CA12: variants seen among roughly 807,000 people sequenced by gnomAD.
The protein encoded by CA12 is carbonate dehydratase XII.
A neutral mutation model predicts 46.8 loss-of-function variants in CA12; 36 were observed. That is an observed-to-expected ratio of 0.77 (90% CI 0.59 to 1.02). The LOEUF (loss-of-function observed/expected upper bound fraction) is 1.02. Among genes scored for constraint, CA12 ranks in the 50% least tolerant of loss-of-function variants. CA12 has a pLI of 0.00. For synonymous variants in CA12, 202 were observed against 187.0 expected, an observed-to-expected ratio of 1.08 and a Z score of -0.65; for missense variants, 436 against 451.4, an observed-to-expected ratio of 0.97 and a Z score of 0.31.
rs1020150646 is a variant in CA12, at chr15:63,329,235, C to T, written c.875-1105G>A. ...TCACCACATCAGCCCCACTTCTCTG[C>T]TCCATGGAACCAGGGTATTACGGCT... On this transcript the variant is annotated intron_variant, in intron 8 of 10. Coordinates refer to ENST00000178638, the MANE Select transcript of CA12 (RefSeq NM_001218.5). The surrounding 1 kb of genome is among the most constrained non-coding windows in gnomAD (Gnocchi z 4.8). Among the ~76,000 whole-genome samples, 1 of 152,246 alleles carries T rather than the reference C, an allele frequency of 6.6e-6. No individual in the cohort carries two copies. The highest frequency in any genetic ancestry group is 2.4e-5 in the African/African-American group (1 of 41,456).
Position 63,346,602 on chromosome 15 carries a change from T to G in CA12, c.214A>C (p.Thr72Pro). Reference protein sequence around the residue: ...SDILQYDASLTPLEFQGYNLS... With the variant: ...SDILQYDASLPPLEFQGYNLS... ...TTGTAGCCTTGGAACTCGAGGGGCG[T>G]GAGGCTGGCGTCATACTGGAGGATG... Residue 72 changes from threonine (T) to proline (P), a missense_variant, in exon 3 of 11, where the codon ACG (threonine) becomes CCG (proline). Transcript: ENST00000178638. 1 of 1,613,906 alleles carries G rather than the reference T, an allele frequency of 6.2e-7. No individual in the cohort carries two copies. Among genetic ancestry groups the G allele is most frequent in the Non-Finnish European group, 8.5e-7 (1 of 1,179,976 alleles).
intron 4 of CA12, among the ~76,000 whole-genome samples, chr15:63,342,684 T>C (rs942079924): frequency 6.6e-6 from 1 of 152,154 alleles, no homozygotes. Context: ...AGTTTTCATG[T>C]TAACTTTGGA....
Position 63,381,716 on chromosome 15 carries a change from G to A in CA12, c.5C>T (p.Pro2Leu), listed in dbSNP as rs2039650135. 1 of 1,599,716 alleles carries A rather than the reference G, an allele frequency of 6.3e-7. No individual in the cohort carries two copies. Among genetic ancestry groups the A allele is most frequent in the African/African-American group, 1.3e-5 (1 of 74,542 alleles). Residue 2 changes from proline (P) to leucine (L), a missense_variant, in exon 1 of 11, where the codon CCC becomes CTC. Coordinates refer to ENST00000178638, the MANE Select transcript of CA12 (RefSeq NM_001218.5). M[P>L]RRSLHAAAVL... is the part of the protein sequence containing the mutation. ...GGCCGCCGCGTGCAGGCTGCGCCGGGGCATCTTCGCGGGCTCCTGCGGGGC... is the reference window on the plus strand; with the variant it reads ...GGCCGCCGCGTGCAGGCTGCGCCGGAGCATCTTCGCGGGCTCCTGCGGGGC...
chr15:63,333,587 T>A (rs1375136144), intron 8 of CA12, among the ~76,000 whole-genome samples: 1 of 152,196 alleles, frequency 6.6e-6, no homozygotes, highest in Non-Finnish European at 1.5e-5. Context: ...AGCTAATAGC[T>A]TTTACTTATA....
intron 1 of CA12, among the ~76,000 whole-genome samples, chr15:63,377,402 A>G (rs570455199): frequency 6.6e-6 from 1 of 152,248 alleles, no homozygotes; most frequent in East Asian, 1.9e-4. Context: ...GTGACAAGCA[A>G]TCTGGTCACT....
chr15:63,328,338 C>CTT lies in CA12; in HGVS notation c.875-210_875-209dup, dbSNP rs57210378. 5.5e-3 allele frequency among the ~76,000 whole-genome samples: 772 copies of CTT among 140,396 alleles called. 8 individuals are homozygous for CTT. The highest frequency in any genetic ancestry group is 0.016 in the African/African-American group (600 of 38,198). 92.1% of individuals were successfully genotyped at this position (140,396 alleles called of 152,430 possible). A position where few individuals can be genotyped will look rare whatever the true frequency, so the allele number is the denominator to read the frequency against. The stretch of plus-strand genomic sequence containing the variant: ...ACTGCAATCCCTCCTTCCGATGCTC[C>CTT]TTTTTTTTTTTTTTTTGAGATGGAA... On this transcript the variant is annotated intron_variant, in intron 8 of 10. Coordinates refer to ENST00000178638, the MANE Select transcript of CA12 (RefSeq NM_001218.5). The surrounding 1 kb of genome is among the most constrained non-coding windows in gnomAD (Gnocchi z 5.9).
chr15:63,346,486 G>T, intron 3 of CA12, 44 bp downstream of exon 3: 2 of 1,593,376 alleles, frequency 1.3e-6, no homozygotes, highest in Non-Finnish European at 1.7e-6. Context: ...GCAGCTGAGG[G>T]AGACTCAGAC....
chr15:63,370,853 T>TG (rs1555432116), intron 2 of CA12, among the ~76,000 whole-genome samples: 2 of 152,156 alleles, frequency 1.3e-5, no homozygotes, highest in Non-Finnish European at 1.5e-5. Context: ...GTGCCCCTTA[T>TG]TCATCCTCAG....
At chr15:63,351,323 C>A (rs1274721634) in intron 2 of CA12, among the ~76,000 whole-genome samples, 1 of 152,250 alleles carries the variant, frequency 6.6e-6, no homozygotes, top group African/African-American at 2.4e-5. Flanking sequence ...CAACCAGCCC[C>A]AGCCTTCCTT....
rs1032773611 is a variant in CA12 at position 63,375,762 on chromosome 15, C to T, written c.86-84G>A. The stretch of plus-strand genomic sequence containing the variant: ...ACTACAGATTTTGTTTTGATATGAG[C>T]GAAATTGAAAAGGAGGTCGATGCCC... On this transcript the variant is annotated intron_variant, in intron 1 of 10. Coordinates refer to ENST00000178638, the MANE Select transcript of CA12 (RefSeq NM_001218.5). 4.2e-5 allele frequency: 41 copies of T among 979,272 alleles called. No homozygotes were observed. The African/African-American group carries it at 4.8e-4, about 12-fold the overall frequency. 60.7% of individuals were successfully genotyped at this position (979,272 alleles called of 1,614,324 possible). A position where few individuals can be genotyped will look rare whatever the true frequency, so the allele number is the denominator to read the frequency against.
At position 63,342,014 on chromosome 15, in the gene CA12, A is replaced by T; in HGVS notation, c.513T>A (p.Ala171=). The T allele has an allele frequency of 1.2e-6, 2 of 1,612,694 alleles. No homozygotes were observed. The highest frequency in any genetic ancestry group is 1.7e-6 in the Non-Finnish European group (2 of 1,178,670). Residue 171 remains alanine, a synonymous_variant, in exon 5 of 11, where the codon GCT becomes GCA. Coordinates refer to ENST00000178638, the MANE Select transcript of CA12 (RefSeq NM_001218.5). The stretch of plus-strand genomic sequence containing the variant: ...AAATATCTCTTACCTCAATGAGAAC[A>T]GCCAGGACAGCGAGGCCTTCTGACT... The part of the protein sequence containing the change: ...SNKSEGLAVL[A]VLIEMGSFNP...
intron 2 of CA12, among the ~76,000 whole-genome samples, chr15:63,354,716 T>A (rs948206503): frequency 3.3e-5 from 5 of 152,122 alleles, no homozygotes; most frequent in Non-Finnish European, 7.4e-5. Context: ...GACTGATGGA[T>A]GTATTAACAC....
At chr15:63,344,451 C>T (rs2039119933) in intron 4 of CA12, among the ~76,000 whole-genome samples, 1 of 152,182 alleles carries the variant, frequency 6.6e-6, no homozygotes. Flanking sequence ...TTCTTTATTC[C>T]CCATGGGGGA....
In CA12 at chr15:63,345,752, G is replaced by T; in HGVS notation, c.287-133C>A. ...CCAGAGAGAGGCAGGTGGATGGAGT[G>T]AGGTGCGGAGCAGAGATGCAGCCTA... On this transcript the variant is annotated intron_variant, in intron 3 of 10. Coordinates refer to ENST00000178638, the MANE Select transcript of CA12 (RefSeq NM_001218.5). This position sits in a 1 kb window ranked among gnomAD's most constrained non-coding sequence, Gnocchi z 4.3. 1 of 1,174,898 alleles carries T rather than the reference G, an allele frequency of 8.5e-7. No homozygotes were observed. The allele number at this position is 1,174,898 out of a possible 1,614,324, so 72.8% of individuals were successfully genotyped here.
intron 2 of CA12, among the ~76,000 whole-genome samples, chr15:63,360,918 C>A (rs2039354153): frequency 6.6e-6 from 1 of 152,218 alleles, no homozygotes; most frequent in African/African-American, 2.4e-5. Context: ...CTGTGACCAG[C>A]CCACAAAGGG....
rs1223130427 is a variant in CA12 at position 63,328,602 on chromosome 15, G to A, written c.875-472C>T. ...ACCTGCCTTGGCCTTCCAAAGTGTT[G>A]GGATTATAGGCGTGAGCCCCTGCGC... On this transcript the variant is annotated intron_variant, in intron 8 of 10. Coordinates refer to ENST00000178638, the MANE Select transcript of CA12 (RefSeq NM_001218.5). This position sits in a 1 kb window ranked among gnomAD's most constrained non-coding sequence, Gnocchi z 5.9. Among the ~76,000 whole-genome samples the A allele has an allele frequency of 6.6e-6, 1 of 152,130 alleles. No homozygotes were observed. The highest frequency in any genetic ancestry group is 6.5e-5 in the Admixed American group (1 of 15,286).
chr15:63,366,025 C>T (rs1429235237), intron 2 of CA12, among the ~76,000 whole-genome samples: 1 of 151,540 alleles, frequency 6.6e-6, no homozygotes, highest in Non-Finnish European at 1.5e-5. Context: ...CCTGTAGTCC[C>T]AGCTACTTGG....
At chr15:63,346,777 C>T in intron 2 of CA12, 68 bp from the exon 3 acceptor site, 1 of 1,519,832 alleles carries the variant, frequency 6.6e-7, no homozygotes, top group Non-Finnish European at 9.1e-7. Flanking sequence ...TCTTCTAATT[C>T]TCTGTTCAAT....
At chr15:63,362,602 T>C (rs1049042769) in intron 2 of CA12, among the ~76,000 whole-genome samples, 2 of 152,184 alleles carry the variant, frequency 1.3e-5, no homozygotes, top group African/African-American at 4.8e-5. Flanking sequence ...GGGGATCTGA[T>C]AAAAGACAGA....
Sources: gnomAD v4.1 joint callset for allele counts (sites outside exome capture counted in the v4.1 genomes callset) on GRCh38, gnomAD v4.1.1 for gene constraint, Gnocchi (gnomAD v3.1) non-coding constraint, MANE v1.5 for transcripts, NCBI Gene and HGNC (gene_info 2026-07-23, HGNC 2026-07-21) for gene names.